The following METTL15 variants were observed in gnomAD, a reference collection of about 807,000 sequenced individuals.
METTL15 encodes the protein methyltransferase 15, mitochondrial 12S rRNA N4-cytidine, also known as 12S rRNA N(4)-cytidine methyltransferase METTL15.
A neutral mutation model predicts 38.3 loss-of-function variants in METTL15; 34 were observed. The ratio of observed to expected loss-of-function variants is 0.89; its 90% CI spans 0.68 to 1.18. METTL15 has a LOEUF of 1.18. Among genes scored for constraint, METTL15 ranks in the 50% most tolerant of loss-of-function variants. The probability of loss-of-function intolerance (pLI) is 0.00; values close to 1 mark genes in which losing one functional copy is unlikely to be tolerated. For synonymous variants in METTL15, 162 were observed against 170.9 expected, an observed-to-expected ratio of 0.95 and a Z score of 0.41; for missense variants, 438 against 498.4, an observed-to-expected ratio of 0.88 and a Z score of 1.15.
intron 6 of METTL15, among the ~76,000 whole-genome samples, chr11:28,501,549 AAGG>A (rs1392569491): frequency 6.6e-6 from 1 of 152,314 alleles, no homozygotes; most frequent in East Asian, 1.9e-4. Flanking sequence ...TGATGACTGC[AAGG>A]AGGTTACAAT....
Position 28,521,661 on chromosome 11 carries a change from T to C in METTL15, c.*425-4817T>C, listed in dbSNP as rs778432151. The stretch of plus-strand genomic sequence containing the variant: ...GGCTCCCTCATGCTCCACTTCTGGT[T>C]GGGTTTGCTTAAGGCATTGCTAGAA... On this transcript the variant is annotated intron_variant and NMD_transcript_variant, in intron 6 of 7. Coordinates refer to the METTL15 transcript ENST00000532947. 4.6e-5 allele frequency among the ~76,000 whole-genome samples: 7 copies of C among 152,160 alleles called. No homozygotes were observed. The South Asian group carries it at 1.2e-3, about 27-fold the overall frequency.
intron 6 of METTL15, among the ~76,000 whole-genome samples, chr11:28,499,394 A>G (rs1287060159): frequency 6.6e-6 from 1 of 152,194 alleles, no homozygotes; most frequent in Non-Finnish European, 1.5e-5. Flanking sequence ...CTTTGTAACT[A>G]TGCAAATGGC....
intron 3 of METTL15, among the ~76,000 whole-genome samples, chr11:28,340,318 A>T (rs1849938967): frequency 6.6e-6 from 1 of 152,154 alleles, no homozygotes; most frequent in Admixed American, 6.6e-5. Flanking sequence ...AATAAGCTAC[A>T]TAGTCCGATG....
At chr11:28,165,754 CAT>C (rs528351557) in intron 3 of METTL15, among the ~76,000 whole-genome samples, 83 of 151,968 alleles carry the variant, frequency 5.5e-4, no homozygotes, top group African/African-American at 1.9e-3. Flanking sequence ...GAGCTTTTCC[CAT>C]ATGTTTTCTT....
intron 5 of METTL15, among the ~76,000 whole-genome samples, chr11:28,378,714 G>T (rs569726309): frequency 3.3e-5 from 5 of 150,368 alleles, no homozygotes; most frequent in African/African-American, 1.2e-4. Context: ...TGGTATCAGG[G>T]TAATGCTAGT....
At chr11:28,195,655 A>C (rs2133810959) in intron 3 of METTL15, among the ~76,000 whole-genome samples, 3 of 151,902 alleles carry the variant, frequency 2.0e-5, no homozygotes, top group East Asian at 3.9e-4. Context: ...CTCATTCTCT[A>C]GGTTGTCTGT....
At chr11:28,451,897 T>C (rs1851126102) in intron 6 of METTL15, among the ~76,000 whole-genome samples, 7 of 152,134 alleles carry the variant, frequency 4.6e-5, no homozygotes, top group Admixed American at 4.6e-4. Flanking sequence ...TTGGTTTTGG[T>C]TTATTTGTTT....
At chr11:28,185,093 T>TAAAA (rs1851446984) in intron 3 of METTL15, among the ~76,000 whole-genome samples, 1 of 151,616 alleles carries the variant, frequency 6.6e-6, no homozygotes, top group South Asian at 2.1e-4. Flanking sequence ...AGTCTTTAAC[T>TAAAA]GTTTTCTAAT....
chr11:28,391,905 G>A lies in METTL15; in HGVS notation c.*358+29869G>A, dbSNP rs371931888. On this transcript the variant is annotated intron_variant and NMD_transcript_variant, in intron 5 of 7. Transcript: ENST00000532947. ...AATACCATTCAGGACATAGACATGG[G>A]TAAGGACTTCATGTCTAAAATACCA... 2.6e-5 allele frequency among the ~76,000 whole-genome samples: 4 copies of A among 152,264 alleles called. No homozygotes were observed. In the South Asian group the frequency reaches 8.3e-4, roughly 32 times the overall value.
intron 5 of METTL15, among the ~76,000 whole-genome samples, chr11:28,375,560 T>G (rs1850299979): frequency 6.6e-6 from 1 of 152,108 alleles, no homozygotes; most frequent in South Asian, 2.1e-4. Flanking sequence ...TCTCTCTTTT[T>G]TTCTTTATTA....
chr11:28,397,841 G>T (rs568770355), intron 5 of METTL15, among the ~76,000 whole-genome samples: 1 of 152,084 alleles, frequency 6.6e-6, no homozygotes, highest in South Asian at 2.1e-4. Context: ...AACTAACCCA[G>T]ATGTCCATCA....
intron 6 of METTL15, among the ~76,000 whole-genome samples, chr11:28,490,173 A>C (rs1851482969): frequency 6.6e-6 from 1 of 152,158 alleles, no homozygotes; most frequent in African/African-American, 2.4e-5. Context: ...TTTGAAAAGC[A>C]TTCTGCAATC....
At chr11:28,112,126 A>AT (rs936280776) in intron 2 of METTL15, among the ~76,000 whole-genome samples, 9 of 151,974 alleles carry the variant, frequency 5.9e-5, no homozygotes, top group African/African-American at 2.2e-4. Flanking sequence ...AACGTTTTTA[A>AT]TTTTTTTTAT....
At chr11:28,164,998 G>A (rs1457584053) in intron 3 of METTL15, among the ~76,000 whole-genome samples, 2 of 152,130 alleles carry the variant, frequency 1.3e-5, no homozygotes, top group Non-Finnish European at 2.9e-5. Flanking sequence ...TTCATCCCAT[G>A]TTGTAACAAA....
intron 6 of METTL15, among the ~76,000 whole-genome samples, chr11:28,427,195 A>G (rs774366103): frequency 3.3e-5 from 5 of 152,008 alleles, no homozygotes; most frequent in Non-Finnish European, 7.4e-5. Context: ...ATAGGGAATT[A>G]TTTCCCCATT....
chr11:28,220,428 A>C (rs1853144791), intron 4 of METTL15, among the ~76,000 whole-genome samples: 1 of 151,984 alleles, frequency 6.6e-6, no homozygotes, highest in African/African-American at 2.4e-5. Context: ...ATCTTCCTCC[A>C]TTCCTTTATT....
intron 3 of METTL15, among the ~76,000 whole-genome samples, chr11:28,114,520 G>C (rs535614201): frequency 2.6e-4 from 39 of 151,510 alleles, no homozygotes; most frequent in African/African-American, 9.2e-4. Flanking sequence ...GTGTGATCTC[G>C]GCTCACTGCA....
intron 6 of METTL15, among the ~76,000 whole-genome samples, chr11:28,495,029 T>C (rs1024128352): frequency 1.3e-5 from 2 of 152,248 alleles, no homozygotes; most frequent in African/African-American, 2.4e-5. Context: ...GAGTCACTGC[T>C]GAACTAATAT....
At chr11:28,374,924 C>G (rs1375811760) in intron 5 of METTL15, among the ~76,000 whole-genome samples, 2 of 151,818 alleles carry the variant, frequency 1.3e-5, no homozygotes, top group African/African-American at 4.8e-5. Context: ...TTGAGATAAT[C>G]ATGTGGTTTT....
Sources: allele counts gnomAD v4.1 joint callset (sites outside exome capture counted in the v4.1 genomes callset), GRCh38; gene constraint gnomAD v4.1.1; transcripts MANE v1.5; gene names NCBI Gene and HGNC (gene_info 2026-07-23, HGNC 2026-07-21).